The following GAK variants were observed in gnomAD, a reference collection of about 807,000 sequenced individuals.
GAK encodes the protein cyclin G associated kinase.
GAK carries 79 observed loss-of-function variants against 143.9 expected under a neutral mutation model. The observed-to-expected ratio is 0.55, with a 90% CI of 0.46 to 0.66. The LOEUF (loss-of-function observed/expected upper bound fraction) is 0.66. Ranked by LOEUF, GAK falls within the 30% of genes least tolerant of loss-of-function variation. GAK has a pLI of 0.00. For missense variants in GAK, 1,693 were observed against 1,779.7 expected (o/e 0.95, Z 0.88); for synonymous variants, 881 against 765.5 (o/e 1.15, Z -2.49).
chr4:924,927 G>A (rs973059613), intron 1 of GAK, among the ~76,000 whole-genome samples: 1 of 152,056 alleles, frequency 6.6e-6, no homozygotes, highest in Non-Finnish European at 1.5e-5. Flanking sequence ...TCAGGATAGT[G>A]AGTGCTCTCC....
At chr4:904,957 G>C (rs951093436) in intron 4 of GAK, among the ~76,000 whole-genome samples, 178 bp from the exon 5 acceptor site, 1 of 152,226 alleles carries the variant, frequency 6.6e-6, no homozygotes, top group Admixed American at 6.5e-5. Context: ...TGGCAGATGG[G>C]AAACTGCCTG....
chr4:871,720 A>G (rs1201038709), intron 18 of GAK, among the ~76,000 whole-genome samples: 1 of 151,874 alleles, frequency 6.6e-6, no homozygotes, highest in Admixed American at 6.6e-5. Context: ...GGCAGGGGTC[A>G]GCAGGGCCCG....
chr4:864,061 T>A (rs1169397704), intron 23 of GAK, among the ~76,000 whole-genome samples: 1 of 150,368 alleles, frequency 6.7e-6, no homozygotes, highest in Admixed American at 6.6e-5. Context: ...TACAGTATAA[T>A]GTAAATATAA....
intron 11 of GAK, among the ~76,000 whole-genome samples, chr4:885,278 G>A (rs1206165802): frequency 6.6e-6 from 1 of 152,144 alleles, no homozygotes; most frequent in Admixed American, 6.5e-5. Context: ...ATCACCGGTA[G>A]AAAAACAAAA....
intron 10 of GAK, 135 bp from the exon 11 acceptor site, chr4:889,105 G>A: frequency 1.7e-6 from 2 of 1,178,828 alleles, no homozygotes; most frequent in Admixed American, 2.8e-5. Flanking sequence ...CCCAGGTGCA[G>A]GTTGCTGGCT....
intron 4 of GAK, among the ~76,000 whole-genome samples, chr4:908,195 T>C (rs1446855230): frequency 6.6e-6 from 1 of 152,174 alleles, no homozygotes; most frequent in Non-Finnish European, 1.5e-5. Context: ...GGAAGCCCCG[T>C]CTGGCCTTTA....
chr4:920,656 G>A (rs1723787023), intron 1 of GAK, among the ~76,000 whole-genome samples: 1 of 148,498 alleles, frequency 6.7e-6, no homozygotes, highest in African/African-American at 2.5e-5. Flanking sequence ...CGATTCTCCT[G>A]CCTCAGCCTC....
chr4:911,376 G>T (rs1214030285), intron 4 of GAK, among the ~76,000 whole-genome samples: 1 of 152,196 alleles, frequency 6.6e-6, no homozygotes, highest in African/African-American at 2.4e-5. Flanking sequence ...AGGCCACCAC[G>T]CTCTACCCCG....
chr4:859,742 C>T lies in GAK; in HGVS notation c.3167-20G>A, dbSNP rs1749947811. Reference sequence around the variant, plus strand: ...GGGGGCCTGGAGAAGGGGCACAGGGCATTAGAACAAGCACCATCTGAAGCG... The same window carrying T: ...GGGGGCCTGGAGAAGGGGCACAGGGTATTAGAACAAGCACCATCTGAAGCG... On this transcript the variant is annotated intron_variant, in intron 23 of 27. Transcript: ENST00000314167. 2 of 1,533,616 alleles carry T rather than the reference C, an allele frequency of 1.3e-6. No individual in the cohort carries two copies. Among genetic ancestry groups the T allele is most frequent in the Non-Finnish European group, 1.8e-6 (2 of 1,119,716 alleles).
At chr4:879,654 T>C (rs1714700664) in intron 15 of GAK, among the ~76,000 whole-genome samples, 1 of 152,196 alleles carries the variant, frequency 6.6e-6, no homozygotes, top group Admixed American at 6.5e-5. Context: ...TTTCATGTGT[T>C]CATCTTGCTT....
intron 24 of GAK, among the ~76,000 whole-genome samples, chr4:856,188 TCAC>T (rs761800613): frequency 3.0e-5 from 4 of 132,716 alleles, no homozygotes; most frequent in South Asian, 2.7e-4. Flanking sequence ...TCACACCTGC[TCAC>T]CACAGCTGCT....
At chr4:865,723 C>A (rs550308722) in intron 22 of GAK, among the ~76,000 whole-genome samples, 1 of 152,222 alleles carries the variant, frequency 6.6e-6, no homozygotes, top group African/African-American at 2.4e-5. Context: ...CTCCACACAC[C>A]CGCCCACAAG....
chr4:902,130 C>T (rs754854417), intron 5 of GAK, among the ~76,000 whole-genome samples: 6 of 151,374 alleles, frequency 4.0e-5, no homozygotes, highest in East Asian at 1.9e-4. Flanking sequence ...CCCAGCTACT[C>T]GGGAGGCTGA....
chr4:879,612 A>G (rs1714689155), intron 15 of GAK, among the ~76,000 whole-genome samples: 1 of 152,124 alleles, frequency 6.6e-6, no homozygotes, highest in Admixed American at 6.5e-5. Context: ...CTCGGTTTGC[A>G]GGAGTTCTGA....
intron 1 of GAK, among the ~76,000 whole-genome samples, chr4:917,992 A>C (rs1033322043): frequency 6.6e-6 from 1 of 152,248 alleles, no homozygotes; most frequent in Non-Finnish European, 1.5e-5. Flanking sequence ...TTCCCAGCTC[A>C]TTGCTTGAAG....
intron 5 of GAK, among the ~76,000 whole-genome samples, chr4:900,686 C>T (rs1382023276): frequency 6.6e-6 from 1 of 152,140 alleles, no homozygotes; most frequent in African/African-American, 2.4e-5. Context: ...CAGAATGGGG[C>T]CTCAGGCGCA....
chr4:910,696 C>T (rs1338985402), intron 4 of GAK, among the ~76,000 whole-genome samples: 1 of 152,112 alleles, frequency 6.6e-6, no homozygotes, highest in Non-Finnish European at 1.5e-5. Flanking sequence ...TGTGGGACTC[C>T]CTGCCTCAGT....
At chr4:910,206 C>G (rs908379758) in intron 4 of GAK, among the ~76,000 whole-genome samples, 5 of 152,158 alleles carry the variant, frequency 3.3e-5, no homozygotes, top group African/African-American at 1.2e-4. Context: ...CCGCTATATC[C>G]AAGCAGCTTA....
At chr4:882,861 C>T (rs748641194) in intron 13 of GAK, 42 bp from the exon 14 acceptor site, 29 of 1,594,748 alleles carry the variant, frequency 1.8e-5, no homozygotes, top group Non-Finnish European at 2.3e-5. Context: ...CAGAGGAGCC[C>T]CGCCCCAGCC....
Sources: allele counts gnomAD v4.1 joint callset (sites outside exome capture counted in the v4.1 genomes callset), GRCh38; gene constraint gnomAD v4.1.1; transcripts MANE v1.5; gene names NCBI Gene and HGNC (gene_info 2026-07-23, HGNC 2026-07-21).